EPB41L3: variants seen among roughly 807,000 people sequenced by gnomAD.
The protein encoded by EPB41L3 is band 4.1-like protein 3.
Under a neutral mutation model 127.1 loss-of-function variants are expected in EPB41L3, and 57 were observed. That is an observed-to-expected ratio of 0.45 (90% CI 0.36 to 0.56). EPB41L3 has a LOEUF of 0.56. Ranked by LOEUF, EPB41L3 falls within the 20% of genes least tolerant of loss-of-function variation. EPB41L3 has a pLI of 0.00. For missense variants in EPB41L3, 1,273 were observed against 1,372.2 expected, an observed-to-expected ratio of 0.93 and a Z score of 1.14; for synonymous variants, 572 against 549.5, an observed-to-expected ratio of 1.04 and a Z score of -0.57.
At chr18:5,424,767 T>G (rs746559891) in intron 9 of EPB41L3, among the ~76,000 whole-genome samples, 31 of 152,212 alleles carry the variant, frequency 2.0e-4, no homozygotes, top group Non-Finnish European at 4.4e-4. Context: ...TTTACAAATA[T>G]AGTCTACAGC....
chr18:5,478,995 C>G lies in EPB41L3; in HGVS notation c.184-557G>C, dbSNP rs556876005. Among the ~76,000 whole-genome samples the G allele has an allele frequency of 4.5e-4, 68 of 152,312 alleles. 1 individual carries two copies. Among genetic ancestry groups the G allele is most frequent in the African/African-American group, 1.6e-3 (65 of 41,570 alleles). On this transcript the variant is annotated intron_variant, in intron 2 of 22. Transcript: ENST00000341928. The stretch of plus-strand genomic sequence containing the variant: ...CAATGAAGTCAGCAGAACTGAAATT[C>G]ATCACAAAGTAATCCCCTATGTCTG...
intron 3 of EPB41L3, among the ~76,000 whole-genome samples, chr18:5,451,135 G>C (rs553725767): frequency 6.6e-6 from 1 of 152,154 alleles, no homozygotes; most frequent in South Asian, 2.1e-4. Flanking sequence ...ATTTCCTTTT[G>C]TCAAAACTAT....
At chr18:5,624,859 A>T (rs2094904484) in intron 1 of EPB41L3, among the ~76,000 whole-genome samples, 1 of 152,228 alleles carries the variant, frequency 6.6e-6, no homozygotes, top group African/African-American at 2.4e-5. Context: ...GAGCTACAGA[A>T]GGAAAGATGA....
At position 5,438,021 on chromosome 18, in the gene EPB41L3, C is replaced by T. The variant is rs1174945507; in HGVS notation, c.605+14G>A. On this transcript the variant is annotated intron_variant, in intron 6 of 22. Coordinates refer to ENST00000341928, the MANE Select transcript of EPB41L3 (RefSeq NM_012307.5). ...CCAATATGCTTGTCTTTTGCATAGC[C>T]AACTTTCAAATACCTGGTGATATCT... 8.1e-6 allele frequency: 13 copies of T among 1,612,370 alleles called. No homozygotes were observed. Among genetic ancestry groups the T allele is most frequent in the Non-Finnish European group, 9.3e-6 (11 of 1,179,072 alleles).
At chr18:5,462,206 AGTT>A (rs2084126476) in intron 3 of EPB41L3, among the ~76,000 whole-genome samples, 1 of 152,232 alleles carries the variant, frequency 6.6e-6, no homozygotes, top group Non-Finnish European at 1.5e-5. Context: ...ATTCATCTTA[AGTT>A]GTTCAAAGGA....
At chr18:5,484,549 A>G (rs1283210534) in intron 2 of EPB41L3, among the ~76,000 whole-genome samples, 4 of 151,912 alleles carry the variant, frequency 2.6e-5, no homozygotes, top group Non-Finnish European at 5.9e-5. Flanking sequence ...TCAACAAAAC[A>G]ATGAGTTGGT....
chr18:5,578,682 G>A (rs1406256471), intron 3 of EPB41L3, among the ~76,000 whole-genome samples: 1 of 152,176 alleles, frequency 6.6e-6, no homozygotes, highest in African/African-American at 2.4e-5. Context: ...TCAGATAAAT[G>A]TAAATTAAAC....
chr18:5,446,470 GTTT>G, intron 3 of EPB41L3, among the ~76,000 whole-genome samples: 1 of 152,280 alleles, frequency 6.6e-6, no homozygotes, highest in East Asian at 1.9e-4. Flanking sequence ...AACTAAATGA[GTTT>G]TTTGTTTGTG....
At chr18:5,483,248 A>T (rs2088961654) in intron 2 of EPB41L3, among the ~76,000 whole-genome samples, 1 of 152,030 alleles carries the variant, frequency 6.6e-6, no homozygotes. Context: ...TAAATTTGTG[A>T]TCTAAGATAA....
chr18:5,398,664 G>A (rs2073995887), intron 16 of EPB41L3: 4 of 399,904 alleles, frequency 1.0e-5, no homozygotes, highest in Non-Finnish European at 1.8e-5. Flanking sequence ...TACTCGGGAG[G>A]CGGATGACTC....
intron 3 of EPB41L3, among the ~76,000 whole-genome samples, chr18:5,463,349 C>T (rs1221001720): frequency 6.6e-6 from 1 of 152,202 alleles, no homozygotes; most frequent in African/African-American, 2.4e-5. Context: ...TCCTTCCTCC[C>T]TGGTGTATAT....
At chr18:5,423,649 T>G in intron 10 of EPB41L3, 96 bp from the exon 11 acceptor site, 1 of 1,135,000 alleles carries the variant, frequency 8.8e-7, no homozygotes, top group Non-Finnish European at 1.2e-6. Context: ...GTGTTTTGCA[T>G]GCTAAACATT....
intron 1 of EPB41L3, among the ~76,000 whole-genome samples, chr18:5,521,036 A>G (rs1390906937): frequency 6.6e-6 from 1 of 152,206 alleles, no homozygotes; most frequent in Non-Finnish European, 1.5e-5. Context: ...ATTAACTGAA[A>G]TCCTTGTCCC....
intron 13 of EPB41L3, among the ~76,000 whole-genome samples, chr18:5,415,397 G>C (rs1227801524): frequency 2.0e-5 from 3 of 152,180 alleles, no homozygotes; most frequent in African/African-American, 7.2e-5. Flanking sequence ...CATCCCCTCC[G>C]GGGATGCACT....
intron 1 of EPB41L3, among the ~76,000 whole-genome samples, chr18:5,623,039 G>A (rs142854357): frequency 3.0e-5 from 4 of 134,476 alleles, no homozygotes; most frequent in Admixed American, 2.6e-4. Context: ...CTACAGTCAC[G>A]TAGCTGACGT....
At chr18:5,620,032 C>A (rs1276741595) in intron 1 of EPB41L3, among the ~76,000 whole-genome samples, 1 of 151,972 alleles carries the variant, frequency 6.6e-6, no homozygotes, top group Non-Finnish European at 1.5e-5. Context: ...CATAGCAAAA[C>A]CTGTGTAAAG....
At chr18:5,470,198 T>TC (rs2085859177) in intron 3 of EPB41L3, among the ~76,000 whole-genome samples, 1 of 152,222 alleles carries the variant, frequency 6.6e-6, no homozygotes, top group Non-Finnish European at 1.5e-5. Context: ...GCCTATTTCC[T>TC]CACCAGTGAA....
intron 3 of EPB41L3, among the ~76,000 whole-genome samples, chr18:5,560,310 A>G (rs2094106225): frequency 6.6e-6 from 1 of 152,218 alleles, no homozygotes; most frequent in Admixed American, 6.5e-5. Flanking sequence ...AAGAACAGCC[A>G]TAATTGACAC....
intron 9 of EPB41L3, among the ~76,000 whole-genome samples, chr18:5,426,873 A>G (rs1263227360): frequency 6.6e-6 from 1 of 152,262 alleles, no homozygotes; most frequent in East Asian, 1.9e-4. Context: ...TTAATATACA[A>G]TCTTTAGGAA....
Sources: gnomAD v4.1 joint callset for allele counts (sites outside exome capture counted in the v4.1 genomes callset) on GRCh38, gnomAD v4.1.1 for gene constraint, MANE v1.5 for transcripts, NCBI Gene and HGNC (gene_info 2026-07-23, HGNC 2026-07-21) for gene names.